Variants in KCNAB1 observed in about 807,000 individuals in gnomAD.
KCNAB1 encodes voltage-gated potassium channel subunit beta-1.
In KCNAB1, 35 loss-of-function variants were observed where a neutral mutation model predicts 64.6. The observed-to-expected ratio is 0.54, with a 90% CI of 0.41 to 0.72. The LOEUF is 0.72. KCNAB1 is among the 30% of genes least tolerant of loss of function. The probability of loss-of-function intolerance (pLI) is 0.00; values close to 1 mark genes in which losing one functional copy is unlikely to be tolerated. For missense variants in KCNAB1, 401 were observed against 512.9 expected, an observed-to-expected ratio of 0.78 and a Z score of 2.11; for synonymous variants, 177 against 183.8, an observed-to-expected ratio of 0.96 and a Z score of 0.30.
chr3:156,467,960 T>G (rs1045103526), intron 7 of KCNAB1, among the ~76,000 whole-genome samples: 1 of 152,146 alleles, frequency 6.6e-6, no homozygotes, highest in Non-Finnish European at 1.5e-5. Flanking sequence ...AAATTCACTC[T>G]TCATGTTGTC....
At chr3:156,295,664 CTG>C (rs1384631035) in intron 1 of KCNAB1, among the ~76,000 whole-genome samples, 2 of 152,186 alleles carry the variant, frequency 1.3e-5, no homozygotes, top group Non-Finnish European at 2.9e-5. Flanking sequence ...AATGTTTATA[CTG>C]AGGACTATCC....
At chr3:156,208,823 A>G (rs1714833209) in intron 1 of KCNAB1, among the ~76,000 whole-genome samples, 1 of 152,226 alleles carries the variant, frequency 6.6e-6, no homozygotes, top group Non-Finnish European at 1.5e-5. Context: ...GGCAAGCCAA[A>G]GGTTCTATAG....
At chr3:156,370,868 A>T (rs952991359) in intron 1 of KCNAB1, among the ~76,000 whole-genome samples, 1 of 152,200 alleles carries the variant, frequency 6.6e-6, no homozygotes, top group Non-Finnish European at 1.5e-5. Context: ...TACACATGGA[A>T]ACGATCCAGT....
chr3:156,122,302 G>GA (rs1713395348), intron 1 of KCNAB1, among the ~76,000 whole-genome samples: 1 of 152,094 alleles, frequency 6.6e-6, no homozygotes, highest in African/African-American at 2.4e-5. Flanking sequence ...GATCCTCTAG[G>GA]AAAAAGAGTT....
intron 1 of KCNAB1, among the ~76,000 whole-genome samples, chr3:156,184,981 G>GTACCTCCA (rs1365187880): frequency 6.6e-6 from 1 of 152,110 alleles, no homozygotes; most frequent in African/African-American, 2.4e-5. Flanking sequence ...TAACATTACA[G>GTACCTCCA]TACCTCCATA....
chr3:156,320,444 T>C (rs7625905), intron 1 of KCNAB1, among the ~76,000 whole-genome samples: 15,418 of 152,222 alleles, frequency 0.1, 2,494 homozygotes, highest in African/African-American at 0.34. Flanking sequence ...TATGTTTTAT[T>C]TGAGGACAGC....
chr3:156,535,599 C>T (rs981655722), intron 13 of KCNAB1, among the ~76,000 whole-genome samples: 3 of 152,164 alleles, frequency 2.0e-5, no homozygotes, highest in Non-Finnish European at 4.4e-5. Context: ...ACACTCAACA[C>T]ATCCTATTCT....
chr3:156,383,559 A>G (rs1021960321), intron 1 of KCNAB1, among the ~76,000 whole-genome samples: 3 of 152,192 alleles, frequency 2.0e-5, no homozygotes, highest in African/African-American at 7.2e-5. Flanking sequence ...AAACTGGGAC[A>G]GTTGGTCACC....
chr3:156,281,828 T>C (rs2108504830), intron 1 of KCNAB1, among the ~76,000 whole-genome samples: 1 of 150,448 alleles, frequency 6.6e-6, no homozygotes, highest in East Asian at 2.0e-4. Flanking sequence ...TTATCATTTT[T>C]TATTGCGTCT....
rs1712299353 is a variant in KCNAB1, at chr3:156,383,135, C to G, written c.276-38481C>G. 1.3e-5 allele frequency among the ~76,000 whole-genome samples: 2 copies of G among 152,144 alleles called. 1 individual carries two copies. Among genetic ancestry groups the G allele is most frequent in the South Asian group, 4.1e-4 (2 of 4,832 alleles). On this transcript the variant is annotated intron_variant, in intron 1 of 13. Coordinates refer to ENST00000490337, the MANE Select transcript of KCNAB1 (RefSeq NM_172160.3). ...CTGAGAGCTGCTCTTGCAAAATAGG[C>G]AGTGTGAAGAGATTAGATTGGGGAT...
chr3:156,446,337 C>A (rs1292455263), intron 2 of KCNAB1, among the ~76,000 whole-genome samples: 2 of 152,192 alleles, frequency 1.3e-5, no homozygotes, highest in Non-Finnish European at 2.9e-5. Flanking sequence ...CAGTTCCACT[C>A]CTCTTTGGGG....
At chr3:156,401,187 A>G (rs956302218) in intron 1 of KCNAB1, among the ~76,000 whole-genome samples, 2 of 152,238 alleles carry the variant, frequency 1.3e-5, no homozygotes, top group Non-Finnish European at 2.9e-5. Context: ...TTTGGTAAAT[A>G]AACAGCCTCA....
intron 1 of KCNAB1, among the ~76,000 whole-genome samples, chr3:156,166,807 T>G (rs1711600189): frequency 6.6e-6 from 1 of 152,230 alleles, no homozygotes; most frequent in Non-Finnish European, 1.5e-5. Flanking sequence ...GGGATTGTAT[T>G]CCATTTAAGC....
At chr3:156,209,588 T>C (rs141158720) in intron 1 of KCNAB1, among the ~76,000 whole-genome samples, 33 of 152,352 alleles carry the variant, frequency 2.2e-4, no homozygotes, top group African/African-American at 7.7e-4. Context: ...TTTCAGTTCA[T>C]GTTGATACAG....
At chr3:156,158,767 G>C (rs1351142732) in intron 1 of KCNAB1, among the ~76,000 whole-genome samples, 1 of 152,076 alleles carries the variant, frequency 6.6e-6, no homozygotes, top group Admixed American at 6.5e-5. Context: ...CCTTCCTCTC[G>C]TCTGCAATGT....
At chr3:156,536,632 C>T (rs1264778463) in intron 13 of KCNAB1, 26 bp from the exon 14 acceptor site, 3 of 1,486,762 alleles carry the variant, frequency 2.0e-6, no homozygotes, top group Admixed American at 3.3e-5. Context: ...TAACAATATC[C>T]TTTGTACTTC....
intron 3 of KCNAB1, among the ~76,000 whole-genome samples, chr3:156,454,637 A>G (rs1712254640): frequency 1.3e-5 from 2 of 152,146 alleles, no homozygotes; most frequent in African/African-American, 4.8e-5. Context: ...GGAGGCACAA[A>G]GGGAAAGCCA....
chr3:156,363,346 T>C (rs1039289023), intron 1 of KCNAB1, among the ~76,000 whole-genome samples: 3 of 152,258 alleles, frequency 2.0e-5, no homozygotes, highest in Non-Finnish European at 2.9e-5. Context: ...AAATGGATTA[T>C]GTTATTAATT....
intron 3 of KCNAB1, chr3:156,457,192 G>A: frequency 8.0e-7 from 1 of 1,251,156 alleles, no homozygotes. Flanking sequence ...AGCCCAGTGA[G>A]AAACACAAAT....
Sources: gnomAD v4.1 joint callset for allele counts (sites outside exome capture counted in the v4.1 genomes callset) on GRCh38, gnomAD v4.1.1 for gene constraint, MANE v1.5 for transcripts, NCBI Gene and HGNC (gene_info 2026-07-23, HGNC 2026-07-21) for gene names.